Variants in DPP6 observed in about 807,000 individuals in gnomAD.
DPP6 encodes the protein A-type potassium channel modulatory protein DPP6.
In DPP6, 69 loss-of-function variants were observed where a neutral mutation model predicts 122.6. The observed-to-expected ratio is 0.56, with a 90% CI of 0.46 to 0.69. The LOEUF is 0.69. DPP6 is among the 30% of genes least tolerant of loss of function. The pLI is 0.00. For missense variants in DPP6, 928 were observed against 1,116.9 expected (o/e 0.83, Z 2.41); for synonymous variants, 418 against 433.1 (o/e 0.97, Z 0.43).
At chr7:154,289,213 C>A (rs1006907232) in intron 1 of DPP6, among the ~76,000 whole-genome samples, 1 of 152,166 alleles carries the variant, frequency 6.6e-6, no homozygotes, top group Non-Finnish European at 1.5e-5. Context: ...AAAAAGCAGT[C>A]ATCAACTATG....
chr7:154,091,069 C>T (rs188730889), intron 1 of DPP6, among the ~76,000 whole-genome samples: 2,354 of 150,334 alleles, frequency 0.016, 71 homozygotes, highest in African/African-American at 0.054. Context: ...TGCAGTGAGC[C>T]GAGACTGCGC....
the DPP6 span, among the ~76,000 whole-genome samples, chr7:153,765,575 C>T: frequency 1.3e-5 from 2 of 151,486 alleles, no homozygotes; most frequent in South Asian, 2.1e-4. Flanking sequence ...AAAAAAACAC[C>T]TAGGTAGTTG....
intron 1 of DPP6, among the ~76,000 whole-genome samples, chr7:153,973,106 A>G (rs543184789): frequency 5.9e-5 from 9 of 152,184 alleles, no homozygotes; most frequent in African/African-American, 1.9e-4. Context: ...AAACATATTA[A>G]TACAAGTCGC....
In DPP6 at chr7:154,483,151, G is replaced by A. The variant is rs1823467073; in HGVS notation, c.457+8114G>A. Among the ~76,000 whole-genome samples the A allele has an allele frequency of 6.6e-6, 1 of 152,100 alleles. No individual in the cohort carries two copies. The highest frequency in any genetic ancestry group is 6.5e-5 in the Admixed American group (1 of 15,280). ...AGGAAGTGTGGTCAGGGAGGCAGGAGGAGAACTTCTACCACGCCACGTCAA... is the reference window on the plus strand; with the variant it reads ...AGGAAGTGTGGTCAGGGAGGCAGGAAGAGAACTTCTACCACGCCACGTCAA... On this transcript the variant is annotated intron_variant, in intron 3 of 25. Coordinates refer to ENST00000377770, the MANE Select transcript of DPP6 (RefSeq NM_130797.4). This position sits in a 1 kb window ranked among gnomAD's most constrained non-coding sequence, Gnocchi z 8.1.
At chr7:154,798,757 T>G (rs1242326536) in intron 12 of DPP6, among the ~76,000 whole-genome samples, 1 of 152,246 alleles carries the variant, frequency 6.6e-6, no homozygotes, top group African/African-American at 2.4e-5. Context: ...GCAGGAAGAT[T>G]TAATTTCAAA....
intron 5 of DPP6, among the ~76,000 whole-genome samples, chr7:154,616,883 A>T (rs868747189): frequency 6.6e-6 from 1 of 152,178 alleles, no homozygotes; most frequent in South Asian, 2.1e-4. Context: ...TAAAAATATT[A>T]TTTTATCCAG....
chr7:154,381,575 T>C (rs552392313), intron 1 of DPP6, among the ~76,000 whole-genome samples: 3 of 152,322 alleles, frequency 2.0e-5, no homozygotes, highest in Non-Finnish European at 4.4e-5. Flanking sequence ...TTTACTAACA[T>C]CAAAGCATTA....
chr7:154,378,063 A>G (rs1813281970), intron 1 of DPP6, among the ~76,000 whole-genome samples: 1 of 152,226 alleles, frequency 6.6e-6, no homozygotes, highest in Non-Finnish European at 1.5e-5. Context: ...TTACTGGCAT[A>G]TAGAAACAGT....
At chr7:154,729,154 G>T (rs577509007) in intron 8 of DPP6, among the ~76,000 whole-genome samples, 5 of 152,318 alleles carry the variant, frequency 3.3e-5, no homozygotes, top group East Asian at 1.9e-4. Context: ...TCCACATGTG[G>T]CTACAGTAAC....
chr7:154,291,864 A>C (rs1367096325), intron 1 of DPP6, among the ~76,000 whole-genome samples: 1 of 152,210 alleles, frequency 6.6e-6, no homozygotes, highest in Admixed American at 6.5e-5. Context: ...AAACATAAAC[A>C]CTTCAGAGAA....
At chr7:154,077,734 G>T (rs1039113642) in intron 1 of DPP6, among the ~76,000 whole-genome samples, 1 of 150,702 alleles carries the variant, frequency 6.6e-6, no homozygotes, top group African/African-American at 2.4e-5. Context: ...GCAGTGGTGT[G>T]ATCTGAGCTC....
intron 1 of DPP6, among the ~76,000 whole-genome samples, chr7:154,053,932 T>C (rs1249617076): frequency 2.0e-4 from 29 of 148,186 alleles, no homozygotes; most frequent in Non-Finnish European, 3.0e-4. Context: ...TGTGGATCCC[T>C]TTCAAGGATG....
chr7:154,885,768 C>A, intron 22 of DPP6, 24 bp downstream of exon 22: 1 of 1,562,746 alleles, frequency 6.4e-7, no homozygotes, highest in Non-Finnish European at 8.7e-7. Flanking sequence ...CAGGACCAAG[C>A]GACGGGCTCT....
At chr7:153,835,458 AC>A in the DPP6 span, among the ~76,000 whole-genome samples, 1 of 151,876 alleles carries the variant, frequency 6.6e-6, no homozygotes, top group African/African-American at 2.4e-5. Context: ...GCCTCCTTTT[AC>A]CACCTTGGTT....
chr7:154,047,936 A>AG (rs1301864334), upstream of DPP6, among the ~76,000 whole-genome samples: 2 of 115,636 alleles, frequency 1.7e-5, no homozygotes, highest in African/African-American at 6.7e-5. Flanking sequence ...CAGCCCTCCG[A>AG]GGGGCCACAG....
intron 3 of DPP6, among the ~76,000 whole-genome samples, chr7:154,511,541 T>C (rs565981509): frequency 5.6e-4 from 85 of 152,318 alleles, no homozygotes; most frequent in African/African-American, 1.9e-3. Flanking sequence ...AGAACCATTG[T>C]AAATAATCTG....
At chr7:154,594,524 C>T (rs1225217796) in intron 5 of DPP6, among the ~76,000 whole-genome samples, 2 of 152,208 alleles carry the variant, frequency 1.3e-5, no homozygotes, top group African/African-American at 4.8e-5. Context: ...AGGTTATCTA[C>T]AGCCAGATAC....
At chr7:153,805,522 T>C in the DPP6 span, among the ~76,000 whole-genome samples, 5 of 152,206 alleles carry the variant, frequency 3.3e-5, no homozygotes, top group Non-Finnish European at 5.9e-5. Context: ...CATGTGCATG[T>C]GTCTTTATAG....
chr7:154,167,562 G>A lies in DPP6; in HGVS notation c.243+114499G>A, dbSNP rs552134719. ...TTGAGGCGCTAAACTCTTTGCGTAC[G>A]CATTTTACAGCTCTCTTACTTGGTT... On this transcript the variant is annotated intron_variant, in intron 1 of 25. Coordinates refer to ENST00000377770, the MANE Select transcript of DPP6 (RefSeq NM_130797.4). Among the ~76,000 whole-genome samples the A allele has an allele frequency of 2.6e-5, 4 of 152,322 alleles. No homozygotes were observed. The East Asian group carries it at 5.8e-4, about 22-fold the overall frequency.
Sources: allele counts gnomAD v4.1 joint callset (sites outside exome capture counted in the v4.1 genomes callset), GRCh38; gene constraint gnomAD v4.1.1; non-coding constraint Gnocchi (gnomAD v3.1); transcripts MANE v1.5; gene names NCBI Gene and HGNC (gene_info 2026-07-23, HGNC 2026-07-21).